NLGN1: variants seen among roughly 807,000 people sequenced by gnomAD.
NLGN1 encodes the protein neuroligin 1.
Under a neutral mutation model 65.5 loss-of-function variants are expected in NLGN1, and 12 were observed. The observed-to-expected ratio is 0.18, with a 90% CI of 0.12 to 0.30. The LOEUF is 0.30. Ranked by LOEUF, NLGN1 falls within the 10% of genes least tolerant of loss-of-function variation. The pLI is 1.00. For synonymous variants in NLGN1, 350 were observed against 359.5 expected (o/e 0.97, Z 0.30); for missense variants, 750 against 1,007.1 (o/e 0.74, Z 3.46).
At chr3:174,000,332 A>T (rs1723036892) in intron 4 of NLGN1, among the ~76,000 whole-genome samples, 1 of 152,142 alleles carries the variant, frequency 6.6e-6, no homozygotes, top group South Asian at 2.1e-4. Context: ...TTCATAGCAA[A>T]TGCTCTATTC....
intron 3 of NLGN1, among the ~76,000 whole-genome samples, chr3:173,758,842 T>C (rs745802246): frequency 6.6e-6 from 1 of 151,942 alleles, no homozygotes; most frequent in Non-Finnish European, 1.5e-5. Flanking sequence ...AATTTTTCCT[T>C]CCTAGGGAAC....
chr3:173,858,465 T>C (rs1274718974), intron 4 of NLGN1, among the ~76,000 whole-genome samples: 1 of 152,154 alleles, frequency 6.6e-6, no homozygotes, highest in African/African-American at 2.4e-5. Flanking sequence ...CAAGCCTATG[T>C]AGGTTCTGGG....
chr3:173,954,514 T>C (rs1711522049), intron 4 of NLGN1, among the ~76,000 whole-genome samples: 1 of 152,142 alleles, frequency 6.6e-6, no homozygotes. Context: ...AACTGTTAGG[T>C]TGAAGTGGAA....
At chr3:173,627,752 G>A (rs1755041934) in intron 3 of NLGN1, among the ~76,000 whole-genome samples, 1 of 151,604 alleles carries the variant, frequency 6.6e-6, no homozygotes, top group South Asian at 2.1e-4. Flanking sequence ...GCAAATGAAA[G>A]TACCTTTTTT....
chr3:174,277,819 GAA>G (rs1172433454), intron 5 of NLGN1, among the ~76,000 whole-genome samples: 7 of 151,846 alleles, frequency 4.6e-5, no homozygotes, highest in South Asian at 2.1e-4. Context: ...ACACCTTTGT[GAA>G]AAGAGTTTTT....
At chr3:173,692,720 A>AATGATAGTTATACTT (rs1765652956) in intron 3 of NLGN1, among the ~76,000 whole-genome samples, 2 of 152,084 alleles carry the variant, frequency 1.3e-5, no homozygotes, top group Admixed American at 6.6e-5. Flanking sequence ...ATATGAACTA[A>AATGATAGTTATACTT]AATGATAATA....
chr3:173,809,678 A>C (rs1297418715), intron 4 of NLGN1, among the ~76,000 whole-genome samples: 1 of 152,170 alleles, frequency 6.6e-6, no homozygotes, highest in Non-Finnish European at 1.5e-5. Flanking sequence ...GTTAACAAAA[A>C]CTTTACCCAT....
intron 2 of NLGN1, among the ~76,000 whole-genome samples, chr3:173,548,000 C>T (rs1740187792): frequency 6.6e-6 from 1 of 151,964 alleles, no homozygotes; most frequent in Non-Finnish European, 1.5e-5. Context: ...CATTCCCTCC[C>T]CACAATCATT....
At chr3:173,635,776 C>G (rs548263169) in intron 3 of NLGN1, among the ~76,000 whole-genome samples, 1 of 152,036 alleles carries the variant, frequency 6.6e-6, no homozygotes, top group Non-Finnish European at 1.5e-5. Flanking sequence ...CCTTCTTCCT[C>G]AAAATGATTA....
intron 3 of NLGN1, among the ~76,000 whole-genome samples, chr3:173,636,686 C>G (rs1013006101): frequency 6.6e-6 from 1 of 151,996 alleles, no homozygotes; most frequent in Non-Finnish European, 1.5e-5. Flanking sequence ...TTGGGACTAC[C>G]TGGGAAATAG....
At chr3:174,110,520 G>A (rs549409352) in intron 4 of NLGN1, among the ~76,000 whole-genome samples, 13 of 151,816 alleles carry the variant, frequency 8.6e-5, no homozygotes, top group Non-Finnish European at 1.6e-4. Context: ...CATTTTCGTT[G>A]GGTTTAAGTA....
intron 4 of NLGN1, among the ~76,000 whole-genome samples, chr3:173,932,646 G>A (rs1458887763): frequency 1.3e-5 from 2 of 152,172 alleles, no homozygotes; most frequent in East Asian, 1.9e-4. Flanking sequence ...AAGTTAGGGT[G>A]TGTAACCAGA....
At chr3:174,023,285 A>G (rs762861433) in intron 4 of NLGN1, among the ~76,000 whole-genome samples, 3 of 152,168 alleles carry the variant, frequency 2.0e-5, no homozygotes, top group Non-Finnish European at 4.4e-5. Flanking sequence ...TGAGATACTA[A>G]GAGTTCAGCC....
At chr3:173,683,935 C>T (rs975144085) in intron 3 of NLGN1, among the ~76,000 whole-genome samples, 3 of 152,054 alleles carry the variant, frequency 2.0e-5, no homozygotes, top group African/African-American at 7.2e-5. Flanking sequence ...TAGCACAGAT[C>T]CAGCTGATTC....
At chr3:173,451,212 T>C (rs1425139824) in intron 2 of NLGN1, among the ~76,000 whole-genome samples, 1 of 152,232 alleles carries the variant, frequency 6.6e-6, no homozygotes, top group African/African-American at 2.4e-5. Flanking sequence ...TGGTCTTTGA[T>C]GATCGTGACG....
chr3:173,612,549 G>A (rs73880520), intron 3 of NLGN1, among the ~76,000 whole-genome samples: 7,999 of 151,960 alleles, frequency 0.053, 283 homozygotes, highest in African/African-American at 0.093. Context: ...TAGCTCTGTT[G>A]TCACATAGCT....
At chr3:174,122,020 A>T (rs1717880532) in intron 4 of NLGN1, among the ~76,000 whole-genome samples, 1 of 151,988 alleles carries the variant, frequency 6.6e-6, no homozygotes, top group Non-Finnish European at 1.5e-5. Context: ...TATGTGGAAA[A>T]TTTTTCCGTC....
At chr3:174,261,663 T>C (rs1746937648) in intron 4 of NLGN1, among the ~76,000 whole-genome samples, 1 of 135,552 alleles carries the variant, frequency 7.4e-6, no homozygotes, top group South Asian at 2.5e-4. Context: ...TTTTCCTAAT[T>C]GAATACCCTT....
rs563337201 is a variant in NLGN1 at position 173,645,278 on chromosome 3, C to T, written c.493+40187C>T. Among the ~76,000 whole-genome samples, 272 of 152,292 alleles carry T rather than the reference C, an allele frequency of 1.8e-3. 1 individual carries two copies. Among genetic ancestry groups the T allele is most frequent in the Admixed American group, 2.7e-3 (42 of 15,302 alleles). On this transcript the variant is annotated intron_variant, in intron 3 of 6. Coordinates refer to ENST00000457714, the Ensembl canonical transcript of NLGN1. ...AAAGCTGGGAGACTTTCCCTTGTCT[C>T]CTCTCCCCTCCCTCACAGACATGCA...
Sources: gnomAD v4.1 joint callset for allele counts (sites outside exome capture counted in the v4.1 genomes callset) on GRCh38, gnomAD v4.1.1 for gene constraint, MANE v1.5 for transcripts, NCBI Gene and HGNC (gene_info 2026-07-23, HGNC 2026-07-21) for gene names.